The following DIABLO variants were observed in gnomAD, a reference collection of about 807,000 sequenced individuals.
The protein encoded by DIABLO is diablo IAP-binding mitochondrial protein.
A neutral mutation model predicts 31.7 loss-of-function variants in DIABLO; 32 were observed. The observed-to-expected ratio is 1.01, with a 90% confidence interval of 0.76 to 1.35. The LOEUF is 1.35. Among genes scored for constraint, DIABLO ranks in the 40% most tolerant of loss-of-function variants. The pLI is 0.00. For synonymous variants in DIABLO, 132 were observed against 103.2 expected (o/e 1.28, Z -1.69); for missense variants, 316 against 286.4 (o/e 1.10, Z -0.75).
intron 5 of DIABLO, among the ~76,000 whole-genome samples, chr12:122,209,210 A>G (rs142310246): frequency 6.6e-6 from 1 of 152,082 alleles, no homozygotes; most frequent in South Asian, 2.1e-4. Flanking sequence ...AATACAAAAA[A>G]AAATTAGCCA....
intron 1 of DIABLO, chr12:122,225,714 C>T (rs970897326): frequency 1.3e-5 from 19 of 1,419,350 alleles, no homozygotes; most frequent in Admixed American, 2.9e-5. Context: ...GGAGCAGCCC[C>T]AAGAAGGCAG....
chr12:122,218,288 T>C lies in DIABLO; in HGVS notation c.293A>G (p.Glu98Gly). The change falls in exon 3 of 6, where the codon GAA (glutamate) becomes GGA (glycine). Residue 98 changes from glutamate (E) to glycine (G), a missense_variant. Transcript: ENST00000464942. Reference protein sequence around the residue: ...FLSQTTYALIEAITEYTKAVY... With the variant: ...FLSQTTYALIGAITEYTKAVY... ...TACCTTAGTATATTCAGTAATAGCT[T>C]CAATCAACGCATATGTGGTCTGAGA... 1 of 1,614,108 alleles carries C rather than the reference T, an allele frequency of 6.2e-7. No homozygotes were observed. Among genetic ancestry groups the C allele is most frequent in the South Asian group, 1.1e-5 (1 of 91,082 alleles).
rs188516146 is a variant in DIABLO at position 122,213,358 on chromosome 12, T to C, written c.523+3130A>G. ...CAGCCTGGACAACATGGCAAAATCC[T>C]GTCTCTACCGGAAACATATAATCCC... On this transcript the variant is annotated intron_variant, in intron 5 of 5. Transcript: ENST00000464942. Among the ~76,000 whole-genome samples the C allele has an allele frequency of 2.6e-5, 4 of 152,066 alleles. No homozygotes were observed. The East Asian group carries it at 5.9e-4, about 22-fold the overall frequency.
chr12:122,224,989 G>C, intron 1 of DIABLO: 1 of 463,436 alleles, frequency 2.2e-6, no homozygotes, highest in South Asian at 2.1e-5. Context: ...GAGGCGGGTG[G>C]ATCACTTGAG....
intron 5 of DIABLO, among the ~76,000 whole-genome samples, chr12:122,211,581 C>T (rs899963910): frequency 3.3e-5 from 5 of 151,704 alleles, no homozygotes; most frequent in Non-Finnish European, 7.4e-5. Flanking sequence ...CTGCTTGGGA[C>T]GCTGAAATGG....
intron 2 of DIABLO, chr12:122,220,739 C>G (rs1954317103): frequency 6.6e-6 from 1 of 152,174 alleles, no homozygotes; most frequent in African/African-American, 2.4e-5. Flanking sequence ...AGTACAAACA[C>G]TCAGAATCAC....
intron 5 of DIABLO, among the ~76,000 whole-genome samples, chr12:122,215,737 A>G (rs968873001): frequency 6.6e-6 from 1 of 151,426 alleles, no homozygotes; most frequent in Non-Finnish European, 1.5e-5. Flanking sequence ...GGAGAAGCAG[A>G]GGCTTTGGAA....
intron 2 of DIABLO, among the ~76,000 whole-genome samples, chr12:122,219,649 G>C (rs1276511617): frequency 1.3e-5 from 2 of 151,616 alleles, no homozygotes; most frequent in African/African-American, 4.9e-5. Flanking sequence ...AAGGTCAAGA[G>C]ATCGAGACCA....
At chr12:122,208,985 G>A (rs1298583430) in intron 5 of DIABLO, 4 of 333,876 alleles carry the variant, frequency 1.2e-5, no homozygotes, top group Middle Eastern at 2.1e-3. Context: ...GTAAAGGAAT[G>A]CATAGAAAAA....
Position 122,218,415 on chromosome 12 carries a change from T to A in DIABLO, c.184-18A>T. 1 of 1,613,958 alleles carries A rather than the reference T, an allele frequency of 6.2e-7. No homozygotes were observed. The highest frequency in any genetic ancestry group is 8.5e-7 in the Non-Finnish European group (1 of 1,179,978). ...TCTGATTTCTGAAAGACACAAACAT[T>A]GTCACTCAACCTCTAAAGCTCAAAC... On this transcript the variant is annotated intron_variant, in intron 2 of 5. Transcript: ENST00000464942.
At chr12:122,213,287 T>G (rs1954128622) in intron 5 of DIABLO, among the ~76,000 whole-genome samples, 1 of 151,970 alleles carries the variant, frequency 6.6e-6, no homozygotes, top group Non-Finnish European at 1.5e-5. Flanking sequence ...CCCAGCAGTT[T>G]GAGAGGCCAA....
chr12:122,226,196 C>T (rs1180848146), upstream of DIABLO: 2 of 975,348 alleles, frequency 2.1e-6, no homozygotes, highest in Non-Finnish European at 3.1e-6. Context: ...GCTGTAACGG[C>T]CGCGCAAGGC....
At chr12:122,225,729 G>A in intron 1 of DIABLO, 3 of 1,427,326 alleles carry the variant, frequency 2.1e-6, no homozygotes, top group Non-Finnish European at 2.7e-6. Flanking sequence ...AGGCAGCCCG[G>A]GGTCTCGGGG....
At chr12:122,224,681 C>A (rs200927287) in intron 1 of DIABLO, 37 bp from the exon 2 acceptor site, 1 of 1,614,062 alleles carries the variant, frequency 6.2e-7, no homozygotes, top group Non-Finnish European at 8.5e-7. Flanking sequence ...GGCACGACCG[C>A]CAATCTGTAA....
chr12:122,218,245 A>G, intron 3 of DIABLO, 21 bp downstream of exon 3: 1 of 1,613,922 alleles, frequency 6.2e-7, no homozygotes, highest in Non-Finnish European at 8.5e-7. Context: ...TTAGAAGATC[A>G]AGAGTTAAGA....
chr12:122,210,332 C>T (rs1345975298), intron 5 of DIABLO, among the ~76,000 whole-genome samples: 1 of 150,774 alleles, frequency 6.6e-6, no homozygotes, highest in Non-Finnish European at 1.5e-5. Context: ...CCCTGGTGTC[C>T]ATTTTGGGGA....
intron 5 of DIABLO, among the ~76,000 whole-genome samples, chr12:122,215,882 GGAAAAAAAAAAAA>G (rs1954200199): frequency 9.6e-5 from 2 of 20,900 alleles, no homozygotes; most frequent in Non-Finnish European, 1.3e-4. Flanking sequence ...ATTTTATGAA[GGAAAAAAAAAAAA>G]AAAAAAAAAA....
At chr12:122,211,247 A>G (rs1435756091) in intron 5 of DIABLO, among the ~76,000 whole-genome samples, 1 of 151,884 alleles carries the variant, frequency 6.6e-6, no homozygotes, top group Non-Finnish European at 1.5e-5. Flanking sequence ...CAAAAAATAA[A>G]AAAGATTAAT....
intron 3 of DIABLO, chr12:122,217,200 G>A (rs1365182924): frequency 2.0e-5 from 7 of 341,642 alleles, no homozygotes; most frequent in Non-Finnish European, 3.9e-5. Flanking sequence ...CAATACTTTT[G>A]ATTATCCATA....
Sources: allele counts gnomAD v4.1 joint callset (sites outside exome capture counted in the v4.1 genomes callset), GRCh38; gene constraint gnomAD v4.1.1; transcripts MANE v1.5; gene names NCBI Gene and HGNC (gene_info 2026-07-23, HGNC 2026-07-21).